CHD1: variants seen among roughly 807,000 people sequenced by gnomAD.
CHD1 encodes ATP-dependent chromatin remodeler CHD1.
Under a neutral mutation model 224.2 loss-of-function variants are expected in CHD1, and 36 were observed. The observed-to-expected ratio is 0.16, with a 90% CI of 0.12 to 0.21. The LOEUF (loss-of-function observed/expected upper bound fraction) is 0.21. CHD1 is among the 10% of genes least tolerant of loss of function. The probability of loss-of-function intolerance (pLI) is 1.00; values close to 1 mark genes in which losing one functional copy is unlikely to be tolerated. For missense variants in CHD1, 1,378 were observed against 1,994.8 expected (o/e 0.69, Z 5.89); for synonymous variants, 668 against 658.3 (o/e 1.01, Z -0.23).
intron 4 of CHD1, among the ~76,000 whole-genome samples, chr5:98,903,590 C>T (rs1276527587): frequency 6.6e-6 from 1 of 152,198 alleles, no homozygotes; most frequent in African/African-American, 2.4e-5. Context: ...AAATGTCCCA[C>T]TGCTTATTTT....
intron 26 of CHD1, among the ~76,000 whole-genome samples, chr5:98,873,226 T>C (rs112526406): frequency 1.3e-5 from 2 of 152,142 alleles, no homozygotes; most frequent in African/African-American, 4.8e-5. Context: ...ATATCATATG[T>C]GTATATTTGC....
At chr5:98,872,389 C>A in intron 27 of CHD1, 28 bp downstream of exon 27, 2 of 1,595,362 alleles carry the variant, frequency 1.3e-6, no homozygotes, top group Middle Eastern at 1.7e-4. Context: ...TAACAAAAAT[C>A]TTACAATGGA....
intron 24 of CHD1, among the ~76,000 whole-genome samples, chr5:98,875,525 A>C (rs1749685579): frequency 6.6e-6 from 1 of 152,202 alleles, no homozygotes; most frequent in African/African-American, 2.4e-5. Flanking sequence ...TGTGTATTAC[A>C]CCAACAATGC....
At chr5:98,864,666 G>C (rs1023738354) in intron 31 of CHD1, among the ~76,000 whole-genome samples, 1 of 152,102 alleles carries the variant, frequency 6.6e-6, no homozygotes, top group Non-Finnish European at 1.5e-5. Context: ...CTGCAGCCTA[G>C]GCAAAAGTGA....
intron 2 of CHD1, among the ~76,000 whole-genome samples, chr5:98,916,527 A>G (rs1397858336): frequency 6.7e-6 from 1 of 148,632 alleles, no homozygotes; most frequent in East Asian, 1.9e-4. Context: ...TCTGGGCAAC[A>G]AGAGTGAAAC....
At chr5:98,898,786 A>C in intron 8 of CHD1, 22 bp from the exon 9 acceptor site, 8 of 1,293,356 alleles carry the variant, frequency 6.2e-6, no homozygotes, top group Non-Finnish European at 8.9e-6. Flanking sequence ...TTAATCCAGG[A>C]ATAGACTTAA....
chr5:98,887,110 C>A (rs1166668225), intron 17 of CHD1, among the ~76,000 whole-genome samples: 1 of 152,094 alleles, frequency 6.6e-6, no homozygotes, highest in Non-Finnish European at 1.5e-5. Flanking sequence ...GTAAAAACCA[C>A]TGAATTGTAT....
At chr5:98,895,051 C>G (rs1022002940) in intron 12 of CHD1, among the ~76,000 whole-genome samples, 3 of 152,090 alleles carry the variant, frequency 2.0e-5, no homozygotes, top group Non-Finnish European at 2.9e-5. Context: ...GAACTCCCAG[C>G]CTCAGATGAT....
intron 2 of CHD1, among the ~76,000 whole-genome samples, chr5:98,915,909 T>A (rs1471573289): frequency 6.6e-6 from 1 of 152,182 alleles, no homozygotes; most frequent in Non-Finnish European, 1.5e-5. Flanking sequence ...AAGTTCAATT[T>A]TGGCTGGGCG....
At chr5:98,910,911 T>C (rs1752347104) in intron 2 of CHD1, among the ~76,000 whole-genome samples, 1 of 151,774 alleles carries the variant, frequency 6.6e-6, no homozygotes, top group Non-Finnish European at 1.5e-5. Context: ...CAGATATCTT[T>C]TTTATTTATG....
chr5:98,883,220 C>T lies in CHD1; in HGVS notation c.2586G>A (p.Leu862=). 1.3e-6 allele frequency: 2 copies of T among 1,572,042 alleles called. No individual in the cohort carries two copies. The highest frequency in any genetic ancestry group is 1.7e-6 in the Non-Finnish European group (2 of 1,168,082). Residue 862 remains leucine, a synonymous_variant, in exon 19 of 36, where the codon CTG becomes CTA. Coordinates refer to ENST00000614616, the MANE Select transcript of CHD1 (RefSeq NM_001270.4). ...TCCCTAGACCTCCAGCTCTTGTGGA[C>T]AGCAAAAAGCAAAAATCCTGTAAGA... ...AEGSEDFCFL[L]STRAGGLGIN...
At position 98,866,107 on chromosome 5, in the gene CHD1, TAAAAAACAAAAACAAAAAC is replaced by T. The variant is rs550667906; in HGVS notation, c.4248+2369_4248+2387del. 1.6e-3 allele frequency among the ~76,000 whole-genome samples: 247 copies of T among 151,622 alleles called. 1 individual carries two copies. Among genetic ancestry groups the T allele is most frequent in the South Asian group, 5.0e-3 (24 of 4,804 alleles). On this transcript the variant is annotated intron_variant, in intron 31 of 35. Coordinates refer to ENST00000614616, the MANE Select transcript of CHD1 (RefSeq NM_001270.4). ...TGACTCCCACCCAATACAGAGTAGG[TAAAAAACAAAAACAAAAAC>T]AAAAAACAAAAACAAAAACGGTTAC...
intron 1 of CHD1, among the ~76,000 whole-genome samples, chr5:98,927,198 T>TA (rs1753526362): frequency 6.6e-6 from 1 of 152,228 alleles, no homozygotes; most frequent in Non-Finnish European, 1.5e-5. Context: ...ATATACACTA[T>TA]ATCTGATTTT....
In CHD1 at chr5:98,896,352, T is replaced by C. The variant is rs946559070; in HGVS notation, c.1584A>G (p.Gln528=). ...CTACCAATAAAAAAGGTCCATATAA[T>C]TGATGTTCATGAAACAAATAATTCA... The part of the protein sequence containing the change: ...SFLNYLFHEH[Q]LYGPFLLVVP... Residue 528 remains glutamine, a synonymous_variant, in exon 12 of 36, where the codon CAA becomes CAG. Transcript: ENST00000614616. 6 of 1,613,994 alleles carry C rather than the reference T, an allele frequency of 3.7e-6. No individual in the cohort carries two copies. The highest frequency in any genetic ancestry group is 4.2e-6 in the Non-Finnish European group (5 of 1,179,878).
intron 12 of CHD1, 106 bp downstream of exon 12, chr5:98,896,120 A>C: frequency 1.1e-6 from 1 of 902,350 alleles, no homozygotes; most frequent in South Asian, 1.5e-5. Flanking sequence ...ATACCACTGC[A>C]CTCCAGCCTG....
At position 98,883,048 on chromosome 5, in the gene CHD1, T is replaced by A. The variant is rs779794463; in HGVS notation, c.2718+40A>T. 315 of 1,236,148 alleles carry A rather than the reference T, an allele frequency of 2.5e-4. 2 individuals are homozygous for A. The highest frequency in any genetic ancestry group is 3.1e-4 in the Non-Finnish European group (294 of 943,696). 76.6% of individuals were successfully genotyped at this position (1,236,148 alleles called of 1,614,324 possible). ...TCACTTCCAAAAAAAAAAAAAGAAT[T>A]CTAAAACAGCAATATAATATAAATT... is the stretch of plus-strand genomic sequence containing the variant. On this transcript the variant is annotated intron_variant, in intron 19 of 35. Coordinates refer to ENST00000614616, the MANE Select transcript of CHD1 (RefSeq NM_001270.4).
At chr5:98,893,733 T>TA (rs957054530) in intron 13 of CHD1, 127 bp from the exon 14 acceptor site, 19 of 620,162 alleles carry the variant, frequency 3.1e-5, no homozygotes, top group Non-Finnish European at 5.2e-5. Flanking sequence ...AATTTTCAAA[T>TA]AAAAAATCGT....
chr5:98,897,382 T>C, intron 10 of CHD1, 62 bp from the exon 11 acceptor site: 1 of 1,198,274 alleles, frequency 8.3e-7, no homozygotes, highest in Non-Finnish European at 1.2e-6. Flanking sequence ...TACTAAAAGA[T>C]GAAAGCCTCA....
At chr5:98,913,071 C>A (rs1008893581) in intron 2 of CHD1, among the ~76,000 whole-genome samples, 1 of 152,114 alleles carries the variant, frequency 6.6e-6, no homozygotes, top group Non-Finnish European at 1.5e-5. Context: ...ATAAACAAAT[C>A]AAAGAATTTT....
Sources: allele counts gnomAD v4.1 joint callset (sites outside exome capture counted in the v4.1 genomes callset), GRCh38; gene constraint gnomAD v4.1.1; transcripts MANE v1.5; gene names NCBI Gene and HGNC (gene_info 2026-07-23, HGNC 2026-07-21).